TIMELESS: variants seen among roughly 807,000 people sequenced by gnomAD.
The protein encoded by TIMELESS is protein timeless homolog.
In TIMELESS, 124 loss-of-function variants were observed where a neutral mutation model predicts 164.3. That is an observed-to-expected ratio of 0.75 (90% CI 0.65 to 0.88). The LOEUF is 0.88. Among genes scored for constraint, TIMELESS ranks in the 40% least tolerant of loss-of-function variants. The pLI, the probability that TIMELESS is intolerant of heterozygous loss-of-function variation, is 0.00. For missense variants in TIMELESS, 1,422 were observed against 1,491.4 expected (o/e 0.95, Z 0.77); for synonymous variants, 564 against 563.4 (o/e 1.00, Z -0.02).
rs776731579 is a variant in TIMELESS, at chr12:56,423,584, C to T, written c.2090G>A (p.Arg697His). 7.4e-6 allele frequency: 12 copies of T among 1,613,998 alleles called. No individual in the cohort carries two copies. The highest frequency in any genetic ancestry group is 2.7e-5 in the African/African-American group (2 of 74,924). The change falls in exon 17 of 29, where the codon CGC becomes CAC. Residue 697 changes from arginine to histidine, a missense_variant and splice_region_variant. Physicochemically the swap from Arg to His is conservative, Grantham distance 29 (BLOSUM62 0). Coordinates refer to ENST00000553532, the MANE Select transcript of TIMELESS (RefSeq NM_003920.5). ...KEFNFLDYLK[R>H]FACSTVVRAY... ...CCAACTCAGGCCTCTCAGCCCGCAC[C>T]GTTTCAGGTAGTCCAGAAAATTAAA...
chr12:56,421,605 C>G (rs532375387), intron 22 of TIMELESS, 112 bp from the exon 23 acceptor site: 22 of 1,527,052 alleles, frequency 1.4e-5, no homozygotes, highest in Non-Finnish European at 1.8e-5. Flanking sequence ...ATGACACTTA[C>G]AAATATAGTA....
intron 26 of TIMELESS, among the ~76,000 whole-genome samples, chr12:56,419,855 A>G (rs1881396689): frequency 6.6e-6 from 1 of 150,968 alleles, no homozygotes; most frequent in African/African-American, 2.4e-5. Flanking sequence ...AAAATACAAA[A>G]AATTAGCTGG....
intron 13 of TIMELESS, among the ~76,000 whole-genome samples, chr12:56,427,504 C>T (rs77786874): frequency 4.6e-5 from 7 of 152,334 alleles, no homozygotes; most frequent in African/African-American, 9.6e-5. Flanking sequence ...GAGACCGACA[C>T]GACCAGCTTG....
At chr12:56,433,194 A>T in intron 5 of TIMELESS, 67 bp from the exon 6 acceptor site, 2 of 1,502,134 alleles carry the variant, frequency 1.3e-6, no homozygotes, top group Admixed American at 3.4e-5. Flanking sequence ...TCTGGCTGGA[A>T]GACCCAGGCA....
chr12:56,449,080 G>T (rs898189784), intron 1 of TIMELESS, among the ~76,000 whole-genome samples: 2 of 152,232 alleles, frequency 1.3e-5, no homozygotes, highest in Non-Finnish European at 2.9e-5. Context: ...GACCCAAGCT[G>T]TGCGGAGCAG....
chr12:56,428,611 G>A lies in TIMELESS; in HGVS notation c.1346C>T (p.Thr449Ile), dbSNP rs1268302822. ...TGGAGATATGTCCATCTCATTCACT[G>A]TTGCCAGCAGCTCCTGATAGGCCTT... ...ALKAYQELLA[T>I]VNEMDISPDE... The change falls in exon 12 of 29, where the codon ACA becomes ATA. Residue 449 changes from threonine (T) to isoleucine (I), a missense_variant. Thr to Ile is a moderately conservative substitution (Grantham distance 89). Coordinates refer to ENST00000553532, the MANE Select transcript of TIMELESS (RefSeq NM_003920.5). The A allele has an allele frequency of 6.2e-7, 1 of 1,614,088 alleles. No individual in the cohort carries two copies. Among genetic ancestry groups the A allele is most frequent in the Non-Finnish European group, 8.5e-7 (1 of 1,180,040 alleles).
chr12:56,447,967 C>G (rs1223508660), intron 1 of TIMELESS, among the ~76,000 whole-genome samples: 1 of 152,056 alleles, frequency 6.6e-6, no homozygotes, highest in Non-Finnish European at 1.5e-5. Flanking sequence ...GAGTCAGGTG[C>G]GTAAGAGATT....
chr12:56,421,854 C>T, intron 21 of TIMELESS, 45 bp from the exon 22 acceptor site: 1 of 1,613,496 alleles, frequency 6.2e-7, no homozygotes, highest in Non-Finnish European at 8.5e-7. Context: ...AGGAAGTGAT[C>T]ACGAGTCCCC....
In TIMELESS at chr12:56,418,223, T is replaced by C; in HGVS notation, c.3365A>G (p.Asp1122Gly). The C allele has an allele frequency of 6.2e-7, 1 of 1,614,216 alleles. No homozygotes were observed. The highest frequency in any genetic ancestry group is 8.5e-7 in the Non-Finnish European group (1 of 1,180,036). The change falls in exon 27 of 29, where the codon GAT becomes GGT. Residue 1122 changes from aspartate (D) to glycine (G), a missense_variant. Transcript: ENST00000553532. ...QPKVPGEQGS[D>G]EEHCKEHRAQ... ...TCGGTGCTCTTTACAGTGCTCCTCA[T>C]CAGAGCCTTGCTCTCCAGGGACTTT...
intron 1 of TIMELESS, among the ~76,000 whole-genome samples, chr12:56,447,096 G>A (rs536786930): frequency 2.8e-5 from 4 of 145,008 alleles, no homozygotes; most frequent in Admixed American, 7.1e-5. Flanking sequence ...TGCAACCTCC[G>A]CCTCCCGGGT....
intron 1 of TIMELESS, among the ~76,000 whole-genome samples, chr12:56,444,340 T>C (rs1484504880): frequency 1.3e-5 from 2 of 152,144 alleles, no homozygotes; most frequent in South Asian, 2.1e-4. Context: ...TAGGAACAAT[T>C]GAGGTTATCA....
At position 56,448,045 on chromosome 12, in the gene TIMELESS, G is replaced by A. The variant is rs534965470; in HGVS notation, c.-62+1265C>T. The stretch of plus-strand genomic sequence containing the variant: ...ACAGACACCCACCTACGGATTTAAG[G>A]CTAACTGTGGGTGGTCAAAGAGGAG... On this transcript the variant is annotated intron_variant, in intron 1 of 28. Coordinates refer to ENST00000553532, the MANE Select transcript of TIMELESS (RefSeq NM_003920.5). 2.0e-5 allele frequency among the ~76,000 whole-genome samples: 3 copies of A among 152,274 alleles called. No individual in the cohort carries two copies. In the South Asian group the frequency reaches 6.2e-4, roughly 32 times the overall value.
intron 1 of TIMELESS, among the ~76,000 whole-genome samples, chr12:56,445,162 A>G (rs1467710196): frequency 3.9e-5 from 6 of 151,936 alleles, no homozygotes; most frequent in Non-Finnish European, 8.8e-5. Flanking sequence ...GCAGTGGCTC[A>G]TGCCTGTAAT....
rs1476437031 is a variant in TIMELESS, at chr12:56,416,762, G to C, written c.*954C>G. The C allele has an allele frequency of 6.7e-6, 1 of 149,070 alleles. No homozygotes were observed. The highest frequency in any genetic ancestry group is 1.5e-5 in the Non-Finnish European group (1 of 67,576). The allele number at this position is 149,070 out of a possible 1,614,324, so 9.2% of individuals were successfully genotyped here. Reference sequence around the variant, plus strand: ...TTTTTTTGAGACAGAGTCTTGCTCTGTCGCCCAGGCATATGCACTGGCGTG... The same window carrying C: ...TTTTTTTGAGACAGAGTCTTGCTCTCTCGCCCAGGCATATGCACTGGCGTG... On this transcript the variant is annotated 3_prime_UTR_variant, in exon 29 of 29. Coordinates refer to ENST00000553532, the MANE Select transcript of TIMELESS (RefSeq NM_003920.5).
chr12:56,437,223 C>A (rs1882101396), intron 1 of TIMELESS, among the ~76,000 whole-genome samples: 1 of 152,146 alleles, frequency 6.6e-6, no homozygotes, highest in Non-Finnish European at 1.5e-5. Context: ...GCCACTGCGC[C>A]CAGCCAAGCA....
chr12:56,443,833 A>G (rs2136155091), intron 1 of TIMELESS, among the ~76,000 whole-genome samples: 1 of 152,152 alleles, frequency 6.6e-6, no homozygotes, highest in Non-Finnish European at 1.5e-5. Flanking sequence ...GGTTCCCCCG[A>G]TAACATGTAT....
chr12:56,442,097 A>AG (rs1435040733), intron 1 of TIMELESS, among the ~76,000 whole-genome samples: 4 of 126,452 alleles, frequency 3.2e-5, no homozygotes, highest in Non-Finnish European at 7.5e-5. Context: ...AAAAAAAAAA[A>AG]AAAAAGAAAT....
intron 3 of TIMELESS, 59 bp downstream of exon 3, chr12:56,433,714 T>C (rs1010593357): frequency 1.2e-6 from 2 of 1,613,468 alleles, no homozygotes; most frequent in Non-Finnish European, 1.7e-6. Flanking sequence ...ACGCCAAACC[T>C]ATCAGCTCAA....
chr12:56,426,211 C>T (rs1881672731), intron 13 of TIMELESS, among the ~76,000 whole-genome samples: 1 of 152,146 alleles, frequency 6.6e-6, no homozygotes, highest in Admixed American at 6.5e-5. Context: ...GTCTGACACA[C>T]AGTAAATGCT....
Sources: gnomAD v4.1 joint callset for allele counts (sites outside exome capture counted in the v4.1 genomes callset) on GRCh38, gnomAD v4.1.1 for gene constraint, MANE v1.5 for transcripts, NCBI Gene and HGNC (gene_info 2026-07-23, HGNC 2026-07-21) for gene names.